Variants in SNTG1 observed in about 807,000 individuals in gnomAD.
SNTG1 encodes the protein syntrophin gamma 1.
In SNTG1, 39 loss-of-function variants were observed where a neutral mutation model predicts 74.7. The observed-to-expected ratio is 0.52, with a 90% CI of 0.40 to 0.68. The LOEUF is 0.68. Ranked by LOEUF, SNTG1 falls within the 30% of genes least tolerant of loss-of-function variation. The probability of loss-of-function intolerance (pLI) is 0.00; values close to 1 mark genes in which losing one functional copy is unlikely to be tolerated. For missense variants in SNTG1, 685 were observed against 609.5 expected, an observed-to-expected ratio of 1.12 and a Z score of -1.30; for synonymous variants, 254 against 217.1, an observed-to-expected ratio of 1.17 and a Z score of -1.49.
At chr8:50,362,898 T>C (rs955211192) in intron 2 of SNTG1, among the ~76,000 whole-genome samples, 2 of 152,138 alleles carry the variant, frequency 1.3e-5, no homozygotes, top group African/African-American at 4.8e-5. Flanking sequence ...ATCACTGAAA[T>C]CTACTGAAGA....
rs1244806743 is a variant in SNTG1 at position 50,053,637 on chromosome 8, G to GTGTGTGTGTA, written c.-102-118915_-102-118914insATGTGTGTGT. Among the ~76,000 whole-genome samples, 8 of 150,380 alleles carry GTGTGTGTGTA rather than the reference G, an allele frequency of 5.3e-5. 1 individual carries two copies. Among genetic ancestry groups the GTGTGTGTGTA allele is most frequent in the Middle Eastern group, 6.4e-3 (2 of 314 alleles). ...AATATATATAATTGTGTGTGTGTGT[G>GTGTGTGTGTA]TGTGTGTGTGTGTGTGTGTGTATAA... is the stretch of plus-strand genomic sequence containing the variant. On this transcript the variant is annotated intron_variant, in intron 1 of 18. Transcript: ENST00000642720.
intron 11 of SNTG1, among the ~76,000 whole-genome samples, chr8:50,545,266 T>C (rs2094378747): frequency 6.6e-6 from 1 of 151,592 alleles, no homozygotes; most frequent in Non-Finnish European, 1.5e-5. Flanking sequence ...ATAATACAGT[T>C]TATATTTATC....
At chr8:50,593,183 A>G (rs955701506) in intron 13 of SNTG1, among the ~76,000 whole-genome samples, 81 of 152,284 alleles carry the variant, frequency 5.3e-4, no homozygotes, top group Admixed American at 2.5e-3. Flanking sequence ...TGTGCTACCC[A>G]GATGGTACCA....
intron 2 of SNTG1, among the ~76,000 whole-genome samples, chr8:50,221,023 T>C (rs1586742886): frequency 6.6e-6 from 1 of 152,120 alleles, no homozygotes; most frequent in African/African-American, 2.4e-5. Context: ...ATCCAGTCCA[T>C]AAAACCAGTA....
At chr8:50,673,883 T>C (rs1373050316) in intron 15 of SNTG1, among the ~76,000 whole-genome samples, 1 of 152,176 alleles carries the variant, frequency 6.6e-6, no homozygotes, top group African/African-American at 2.4e-5. Flanking sequence ...GTTTTTAACA[T>C]GAAGTGATGT....
intron 8 of SNTG1, chr8:50,491,607 C>T (rs1229816793): frequency 6.6e-6 from 1 of 152,240 alleles, no homozygotes; most frequent in Non-Finnish European, 1.5e-5. Context: ...CAAGGGCGAC[C>T]CCGTGGAAGG....
intron 8 of SNTG1, among the ~76,000 whole-genome samples, 194 bp from the exon 9 acceptor site, chr8:50,502,584 A>G (rs1297419651): frequency 6.6e-6 from 1 of 152,194 alleles, no homozygotes; most frequent in Admixed American, 6.5e-5. Flanking sequence ...TGATCACAGA[A>G]TGTGACAAGA....
chr8:50,427,349 T>A lies in SNTG1; in HGVS notation c.163-11194T>A, dbSNP rs16919570. ...TATCAATATTTACAAATGGTATGAA[T>A]CTGTTTAAAAACTGTATTGAAGACA... On this transcript the variant is annotated intron_variant, in intron 4 of 18. Transcript: ENST00000642720. 9.7e-3 allele frequency among the ~76,000 whole-genome samples: 1,483 copies of A among 152,310 alleles called. 27 individuals are homozygous for A. The highest frequency in any genetic ancestry group is 0.034 in the African/African-American group (1,417 of 41,574).
At chr8:49,986,848 C>T (rs891253677) in intron 1 of SNTG1, among the ~76,000 whole-genome samples, 4 of 152,140 alleles carry the variant, frequency 2.6e-5, no homozygotes, top group African/African-American at 4.8e-5. Flanking sequence ...TCCACTTGGG[C>T]GTCAGAGTGA....
rs1209731326 is a variant in SNTG1 at position 50,321,789 on chromosome 8, A to G, written c.-27-72423A>G. Reference sequence around the variant, plus strand: ...AGCTTAACAGTGATTGTGTAAACATATAAGCAAAAAGAAAACTAATATAAA... The same window carrying G: ...AGCTTAACAGTGATTGTGTAAACATGTAAGCAAAAAGAAAACTAATATAAA... On this transcript the variant is annotated intron_variant, in intron 2 of 18. Coordinates refer to ENST00000642720, the MANE Select transcript of SNTG1 (RefSeq NM_018967.5). Among the ~76,000 whole-genome samples the G allele has an allele frequency of 3.9e-5, 6 of 152,274 alleles. 1 individual carries two copies. The East Asian group carries it at 1.2e-3, about 29-fold the overall frequency.
Position 50,530,171 on chromosome 8 carries a change from C to G in SNTG1, c.467-6C>G. ...CAGTGGAATGTTATGATTTTGTCTCCTGCAGGTGCTCCAAGTGACCAGAGC... is the reference window on the plus strand; with the variant it reads ...CAGTGGAATGTTATGATTTTGTCTCGTGCAGGTGCTCCAAGTGACCAGAGC... On this transcript the variant is annotated splice_polypyrimidine_tract_variant and splice_region_variant and intron_variant, in intron 9 of 18. Coordinates refer to ENST00000642720, the MANE Select transcript of SNTG1 (RefSeq NM_018967.5). 6.2e-7 allele frequency: 1 copy of G among 1,613,424 alleles called. No individual in the cohort carries two copies. The highest frequency in any genetic ancestry group is 8.5e-7 in the Non-Finnish European group (1 of 1,179,522).
intron 1 of SNTG1, among the ~76,000 whole-genome samples, chr8:50,128,413 A>G (rs914142578): frequency 4.6e-5 from 7 of 152,172 alleles, no homozygotes; most frequent in Non-Finnish European, 8.8e-5. Context: ...TAAAAGCAAT[A>G]TTACTTTATA....
intron 17 of SNTG1, among the ~76,000 whole-genome samples, chr8:50,735,388 GA>G (rs2095525770): frequency 6.6e-6 from 1 of 151,862 alleles, no homozygotes; most frequent in Middle Eastern, 3.4e-3. Context: ...CAGGTTAGAG[GA>G]ATTGCAAACT....
chr8:50,407,391 G>T (rs1000030785), intron 4 of SNTG1, among the ~76,000 whole-genome samples: 2 of 152,156 alleles, frequency 1.3e-5, no homozygotes, highest in Admixed American at 1.3e-4. Flanking sequence ...AAATAGAACA[G>T]TCAGGGGCAG....
chr8:50,286,948 C>G lies in SNTG1; in HGVS notation c.-27-107264C>G, dbSNP rs1165804055. 2.0e-5 allele frequency: 3 copies of G among 152,150 alleles called. No homozygotes were observed. The East Asian group carries it at 5.8e-4, about 29-fold the overall frequency. 9.4% of individuals were successfully genotyped at this position (152,150 alleles called of 1,614,324 possible). On this transcript the variant is annotated intron_variant, in intron 2 of 18. Transcript: ENST00000642720. ...TTGCTTGTTTTAGACCTAATTTTACCATATTGCACTCCAGTACCTAGCATC... is the reference window on the plus strand; with the variant it reads ...TTGCTTGTTTTAGACCTAATTTTACGATATTGCACTCCAGTACCTAGCATC...
At chr8:50,000,805 T>C (rs1814673112) in intron 1 of SNTG1, among the ~76,000 whole-genome samples, 3 of 152,230 alleles carry the variant, frequency 2.0e-5, no homozygotes, top group African/African-American at 7.2e-5. Context: ...CCTATAGATC[T>C]GGACAAGAGG....
At chr8:50,475,620 A>T (rs1312931720) in intron 8 of SNTG1, among the ~76,000 whole-genome samples, 1 of 152,170 alleles carries the variant, frequency 6.6e-6, no homozygotes, top group Admixed American at 6.6e-5. Context: ...TCCCAGTAAA[A>T]CCAAGAGGCA....
In SNTG1 at chr8:49,938,603, T is replaced by TTTCTTTCTTTCTTTCTTTCTTTCTTTC. The variant is rs10629764; in HGVS notation, c.-103+26374_-103+26375insCTTTCTTTCTTTCTTTCTTTCTTTCTT. ...TTTTCTTTTCTTTTCTTTTCTTTTC[T>TTTCTTTCTTTCTTTCTTTCTTTCTTTC]TTTCTTTCTTTCTTTCTTTCTTTCT... On this transcript the variant is annotated intron_variant, in intron 1 of 18. Coordinates refer to ENST00000642720, the MANE Select transcript of SNTG1 (RefSeq NM_018967.5). Among the ~76,000 whole-genome samples the TTTCTTTCTTTCTTTCTTTCTTTCTTTC allele has an allele frequency of 1.7e-3, 126 of 74,760 alleles. 7 individuals are homozygous for TTTCTTTCTTTCTTTCTTTCTTTCTTTC. The highest frequency in any genetic ancestry group is 4.2e-3 in the African/African-American group (94 of 22,132). 49.0% of individuals were successfully genotyped at this position (74,760 alleles called of 152,430 possible).
chr8:50,662,232 G>T (rs2095227846), intron 15 of SNTG1, among the ~76,000 whole-genome samples: 1 of 152,156 alleles, frequency 6.6e-6, no homozygotes, highest in South Asian at 2.1e-4. Flanking sequence ...GGATCCCTCA[G>T]GTGAGGCTAA....
Sources: allele counts gnomAD v4.1 joint callset (sites outside exome capture counted in the v4.1 genomes callset), GRCh38; gene constraint gnomAD v4.1.1; transcripts MANE v1.5; gene names NCBI Gene and HGNC (gene_info 2026-07-23, HGNC 2026-07-21).